Variants in RGL1 observed in about 807,000 individuals in gnomAD.
RGL1 encodes ral guanine nucleotide dissociation stimulator like 1.
RGL1 carries 24 observed loss-of-function variants against 95.2 expected under a neutral mutation model. The ratio of observed to expected loss-of-function variants is 0.25; its 90% confidence interval spans 0.18 to 0.35. RGL1 has a LOEUF of 0.35. Among genes scored for constraint, RGL1 ranks in the 10% least tolerant of loss-of-function variants. The probability of loss-of-function intolerance (pLI) is 1.00; values close to 1 mark genes in which losing one functional copy is unlikely to be tolerated. For missense variants in RGL1, 715 were observed against 936.3 expected, an observed-to-expected ratio of 0.76 and a Z score of 3.08; for synonymous variants, 329 against 344.9, an observed-to-expected ratio of 0.95 and a Z score of 0.51.
At chr1:183,803,955 T>C (rs921693389), upstream of RGL1, among the ~76,000 whole-genome samples, 1 of 152,204 alleles carries the variant, frequency 6.6e-6, no homozygotes, top group Non-Finnish European at 1.5e-5. Flanking sequence ...GGGCATCTCC[T>C]CTCTATACAG....
chr1:183,861,537 T>A (rs1665509489), intron 3 of RGL1, among the ~76,000 whole-genome samples: 1 of 152,258 alleles, frequency 6.6e-6, no homozygotes, highest in Non-Finnish European at 1.5e-5. Context: ...TTTCTATTAC[T>A]TTTTAGGCTG....
At chr1:183,902,641 G>GA in intron 12 of RGL1, 41 bp downstream of exon 12, 1 of 1,581,216 alleles carries the variant, frequency 6.3e-7, no homozygotes, top group Non-Finnish European at 8.6e-7. Context: ...GTCTGAGCAT[G>GA]AAAAAAATGA....
rs368096467 is a variant in RGL1 at position 183,881,231 on chromosome 1, G to A, written c.610+431G>A. 3.3e-4 allele frequency among the ~76,000 whole-genome samples: 50 copies of A among 152,112 alleles called. 1 individual carries two copies. The highest frequency in any genetic ancestry group is 1.4e-3 in the Admixed American group (21 of 15,282). On this transcript the variant is annotated intron_variant, in intron 5 of 17. Coordinates refer to ENST00000360851, the MANE Select transcript of RGL1 (RefSeq NM_001297671.3). ...CTAGCCTTCCATCACAACCACTCCC[G>A]TCTAGCAGTCAAGGAATGAAGTCTA...
At chr1:183,871,120 G>A (rs1666158125) in intron 4 of RGL1, among the ~76,000 whole-genome samples, 1 of 152,186 alleles carries the variant, frequency 6.6e-6, no homozygotes, top group Non-Finnish European at 1.5e-5. Flanking sequence ...ATGAATAACA[G>A]AAACAGAGAT....
intron 2 of RGL1, among the ~76,000 whole-genome samples, chr1:183,785,231 T>C (rs1377440506): frequency 6.6e-6 from 1 of 152,220 alleles, no homozygotes; most frequent in African/African-American, 2.4e-5. Flanking sequence ...CCTTAGCCCA[T>C]CTCCCATTGC....
At chr1:183,795,415 T>A (rs906484255) in intron 2 of RGL1, among the ~76,000 whole-genome samples, 4 of 152,160 alleles carry the variant, frequency 2.6e-5, no homozygotes, top group African/African-American at 9.7e-5. Flanking sequence ...TATGGTACTA[T>A]GAGAGCACAT....
In RGL1 at chr1:183,904,903, T is replaced by C; in HGVS notation, c.1404T>C (p.Tyr468=). The C allele has an allele frequency of 6.2e-7, 1 of 1,613,922 alleles. No individual in the cohort carries two copies. Residue 468 remains tyrosine, a synonymous_variant, in exon 13 of 18, where the codon TAT becomes TAC. Coordinates refer to ENST00000360851, the MANE Select transcript of RGL1 (RefSeq NM_001297671.3). ...IKLLQSACNS[Y]CMTPDQKFIQ... ...TCTTACAGTCTGCCTGCAACAGCTA[T>C]TGCATGACCCCAGACCAAAAGTTCA...
At chr1:183,832,230 A>G (rs1276759797) in intron 2 of RGL1, among the ~76,000 whole-genome samples, 1 of 152,126 alleles carries the variant, frequency 6.6e-6, no homozygotes, top group Non-Finnish European at 1.5e-5. Context: ...AAGAGGTTGG[A>G]TTTTGGGGGG....
intron 2 of RGL1, among the ~76,000 whole-genome samples, chr1:183,775,607 T>C (rs1043453215): frequency 2.6e-5 from 4 of 152,354 alleles, no homozygotes; most frequent in Middle Eastern, 6.8e-3. Flanking sequence ...GGGTCTGACA[T>C]TTACTGGCTA....
chr1:183,905,095 C>T, intron 13 of RGL1, 124 bp downstream of exon 13: 1 of 1,270,210 alleles, frequency 7.9e-7, no homozygotes. Context: ...GTTCCAGGTC[C>T]TTGGTTTTCA....
intron 2 of RGL1, among the ~76,000 whole-genome samples, chr1:183,826,649 TTA>T (rs1182735989): frequency 6.6e-6 from 1 of 152,192 alleles, no homozygotes; most frequent in Non-Finnish European, 1.5e-5. Context: ...GCACTTCTAT[TTA>T]TGTCAGTTTC....
intron 1 of RGL1, among the ~76,000 whole-genome samples, chr1:183,739,813 C>T (rs1339867966): frequency 2.6e-5 from 4 of 152,190 alleles, no homozygotes; most frequent in Admixed American, 2.0e-4. Flanking sequence ...TGTGGGAAGT[C>T]AGTGCACAGT....
chr1:183,733,585 G>C (rs1656760913), intron 1 of RGL1, among the ~76,000 whole-genome samples: 1 of 152,126 alleles, frequency 6.6e-6, no homozygotes, highest in African/African-American at 2.4e-5. Flanking sequence ...ATGAGTATTG[G>C]ACCAATTCCT....
intron 17 of RGL1, among the ~76,000 whole-genome samples, chr1:183,923,627 C>A (rs1267563162): frequency 1.3e-5 from 2 of 152,014 alleles, no homozygotes; most frequent in Non-Finnish European, 2.9e-5. Context: ...GGGCCTTGGT[C>A]CTTAATTAGA....
intron 1 of RGL1, among the ~76,000 whole-genome samples, chr1:183,642,251 TG>T (rs951038154): frequency 2.6e-5 from 4 of 152,222 alleles, no homozygotes; most frequent in African/African-American, 9.6e-5. Context: ...GTCAGACACT[TG>T]GTAAATAAAC....
At chr1:183,745,564 T>C (rs532391800) in intron 2 of RGL1, among the ~76,000 whole-genome samples, 1 of 152,310 alleles carries the variant, frequency 6.6e-6, no homozygotes, top group South Asian at 2.1e-4. Flanking sequence ...TTGAATGTTA[T>C]TGTTTCTTCT....
intron 1 of RGL1, among the ~76,000 whole-genome samples, chr1:183,665,634 G>A (rs1048038259): frequency 5.3e-5 from 8 of 152,070 alleles, no homozygotes; most frequent in South Asian, 2.1e-4. Context: ...CAAGGAGTTC[G>A]TCCATTTTAT....
chr1:183,668,436 C>T (rs546506448), intron 1 of RGL1, among the ~76,000 whole-genome samples: 1 of 151,952 alleles, frequency 6.6e-6, no homozygotes, highest in South Asian at 2.1e-4. Context: ...CTTCTGTGTT[C>T]ATAAGGTGTT....
intron 1 of RGL1, among the ~76,000 whole-genome samples, chr1:183,637,459 A>G (rs577716072): frequency 6.6e-6 from 1 of 152,364 alleles, no homozygotes; most frequent in Admixed American, 6.5e-5. Flanking sequence ...AATAAATCAG[A>G]AGAGGGAGAG....
Sources: allele counts gnomAD v4.1 joint callset (sites outside exome capture counted in the v4.1 genomes callset), GRCh38; gene constraint gnomAD v4.1.1; transcripts MANE v1.5; gene names NCBI Gene and HGNC (gene_info 2026-07-23, HGNC 2026-07-21).